Variants in SIDT1 observed in about 807,000 individuals in gnomAD.
SIDT1 encodes SID1 transmembrane family, member 1.
SIDT1 carries 101 observed loss-of-function variants against 107.5 expected under a neutral mutation model. That is an observed-to-expected ratio of 0.94 (90% CI 0.80 to 1.11). The LOEUF (loss-of-function observed/expected upper bound fraction) is 1.11. Among genes scored for constraint, SIDT1 ranks in the 50% least tolerant of loss-of-function variants. SIDT1 has a pLI of 0.00. For synonymous variants in SIDT1, 395 were observed against 398.2 expected, an observed-to-expected ratio of 0.99 and a Z score of 0.10; for missense variants, 1,076 against 1,058.2, an observed-to-expected ratio of 1.02 and a Z score of -0.23.
At position 113,615,017 on chromosome 3, in the gene SIDT1, G is replaced by T. The variant is rs754640788; in HGVS notation, c.1967-1083G>T. 40 of 1,534,378 alleles carry T rather than the reference G, an allele frequency of 2.6e-5. 1 individual carries two copies. Among genetic ancestry groups the T allele is most frequent in the South Asian group, 1.2e-4 (10 of 84,012 alleles). On this transcript the variant is annotated intron_variant, in intron 19 of 24. Coordinates refer to ENST00000264852, the MANE Select transcript of SIDT1 (RefSeq NM_017699.3). ...TACATGTTTGGCTACTTTCTTACAC[G>T]TCTCTCTTTTTTTTCTCCTTTCTTC...
At chr3:113,610,935 A>C in intron 17 of SIDT1, 73 bp from the exon 18 acceptor site, 3 of 1,549,980 alleles carry the variant, frequency 1.9e-6, no homozygotes, top group Non-Finnish European at 2.6e-6. Flanking sequence ...GAGTCTGAAG[A>C]AAAATCTAGA....
intron 1 of SIDT1, among the ~76,000 whole-genome samples, chr3:113,566,009 CCTT>C (rs1480698018): frequency 3.3e-5 from 5 of 152,118 alleles, no homozygotes; most frequent in Admixed American, 3.3e-4. Flanking sequence ...ACATCCGTAT[CCTT>C]CTTTTTCTGT....
chr3:113,580,789 A>G lies in SIDT1; in HGVS notation c.663+80A>G, dbSNP rs376116561. The G allele has an allele frequency of 1.4e-4, 127 of 904,488 alleles. No homozygotes were observed. In the African/African-American group the frequency reaches 1.7e-3, roughly 12 times the overall value. 56.0% of individuals were successfully genotyped at this position (904,488 alleles called of 1,614,324 possible). On this transcript the variant is annotated intron_variant, in intron 5 of 24. Coordinates refer to ENST00000264852, the MANE Select transcript of SIDT1 (RefSeq NM_017699.3). ...ACAAATGAAAGAGAAGGGTGGAAGCATGCCATCCTCTTACTGTGTATCTCC... is the reference window on the plus strand; with the variant it reads ...ACAAATGAAAGAGAAGGGTGGAAGCGTGCCATCCTCTTACTGTGTATCTCC...
intron 1 of SIDT1, among the ~76,000 whole-genome samples, chr3:113,537,736 C>T (rs921749033): frequency 4.6e-5 from 7 of 152,218 alleles, no homozygotes; most frequent in African/African-American, 1.4e-4. Context: ...TGTGTCCTCA[C>T]GTGGCCAAGA....
intron 9 of SIDT1, among the ~76,000 whole-genome samples, chr3:113,586,097 C>T (rs1264156111): frequency 6.6e-6 from 1 of 152,146 alleles, no homozygotes; most frequent in Non-Finnish European, 1.5e-5. Flanking sequence ...CTCAGTGATA[C>T]AACTACGTAT....
intron 1 of SIDT1, among the ~76,000 whole-genome samples, chr3:113,560,163 G>A (rs1226421255): frequency 6.6e-6 from 1 of 152,128 alleles, no homozygotes; most frequent in Non-Finnish European, 1.5e-5. Context: ...CTTCCCAGAT[G>A]TAAGGTTTTC....
Position 113,604,624 on chromosome 3 carries a change from A to T in SIDT1, c.1338-286A>T, listed in dbSNP as rs185776832. On this transcript the variant is annotated intron_variant, in intron 13 of 24. Coordinates refer to ENST00000264852, the MANE Select transcript of SIDT1 (RefSeq NM_017699.3). Reference sequence around the variant, plus strand: ...TTAACCTTTTAAAAAAATACATTTCAGTTAGTATTTTCAGTTTTTGCCTCT... The same window carrying T: ...TTAACCTTTTAAAAAAATACATTTCTGTTAGTATTTTCAGTTTTTGCCTCT... 1.2e-4 allele frequency among the ~76,000 whole-genome samples: 18 copies of T among 152,366 alleles called. No individual in the cohort carries two copies. The East Asian group carries it at 3.3e-3, about 28-fold the overall frequency.
intron 9 of SIDT1, among the ~76,000 whole-genome samples, chr3:113,589,529 C>CTTTTTTTT (rs386397654): frequency 8.6e-6 from 1 of 116,048 alleles, no homozygotes; most frequent in Non-Finnish European, 1.7e-5. Flanking sequence ...ACTTCTCTCC[C>CTTTTTTTT]TTTTTTTTTT....
At chr3:113,599,932 A>C (rs886976459) in intron 10 of SIDT1, among the ~76,000 whole-genome samples, 8 of 152,220 alleles carry the variant, frequency 5.3e-5, no homozygotes, top group Non-Finnish European at 4.4e-5. Flanking sequence ...TGGATATGTT[A>C]ATTTGCTTAG....
chr3:113,599,909 C>T (rs191305612), intron 10 of SIDT1, among the ~76,000 whole-genome samples: 2 of 152,206 alleles, frequency 1.3e-5, no homozygotes, highest in East Asian at 3.9e-4. Context: ...AAAGAGGGAA[C>T]TATGGAAAGT....
chr3:113,624,373 G>A (rs528896261), intron 23 of SIDT1, among the ~76,000 whole-genome samples: 1 of 152,292 alleles, frequency 6.6e-6, no homozygotes, highest in East Asian at 1.9e-4. Flanking sequence ...CGGCCTTTGT[G>A]TCTGGCTTCT....
chr3:113,633,060 T>C (rs1006378609), downstream of SIDT1: 2 of 152,258 alleles, frequency 1.3e-5, no homozygotes, highest in Non-Finnish European at 2.9e-5. Context: ...GCAATGTTTA[T>C]GCTTAGATGT....
intron 3 of SIDT1, among the ~76,000 whole-genome samples, chr3:113,574,749 A>G (rs1455652837): frequency 6.6e-6 from 1 of 152,090 alleles, no homozygotes; most frequent in African/African-American, 2.4e-5. Flanking sequence ...AATAGCCAGC[A>G]CAAGGAAACA....
chr3:113,612,006 C>G (rs1337959942), intron 18 of SIDT1, 80 bp from the exon 19 acceptor site: 1 of 990,082 alleles, frequency 1.0e-6, no homozygotes, highest in African/African-American at 1.6e-5. Context: ...TGACTCCTTA[C>G]ACATACAGGA....
Position 113,580,727 on chromosome 3 carries a change from G to T in SIDT1, c.663+18G>T. 6.9e-7 allele frequency: 1 copy of T among 1,457,348 alleles called. No individual in the cohort carries two copies. The highest frequency in any genetic ancestry group is 9.6e-7 in the Non-Finnish European group (1 of 1,037,816). 90.3% of individuals were successfully genotyped at this position (1,457,348 alleles called of 1,614,324 possible). A position where few individuals can be genotyped will look rare whatever the true frequency, so the allele number is the denominator to read the frequency against. ...ATATCATGGTGAGTGCTGATAACTT[G>T]CCAACCTTCTACTATAGAGCATTAT... is the stretch of plus-strand genomic sequence containing the variant. On this transcript the variant is annotated intron_variant, in intron 5 of 24. Transcript: ENST00000264852.
rs1198809594 is a variant in SIDT1, at chr3:113,612,081, C to T, written c.1858-5C>T. ...GATGAAGGTAACTTCCATCTTTACT[C>T]CTAGGTGTTTGGAAAAAATGACGTA... On this transcript the variant is annotated splice_polypyrimidine_tract_variant and splice_region_variant and intron_variant, in intron 18 of 24. Transcript: ENST00000264852. 6.2e-7 allele frequency: 1 copy of T among 1,610,924 alleles called. No homozygotes were observed. The highest frequency in any genetic ancestry group is 8.5e-7 in the Non-Finnish European group (1 of 1,177,252).
chr3:113,605,925 G>A (rs1271964191), intron 14 of SIDT1, among the ~76,000 whole-genome samples: 3 of 151,662 alleles, frequency 2.0e-5, no homozygotes, highest in Admixed American at 1.3e-4. Context: ...GATTGCTTGA[G>A]CCTGTGGAGG....
At chr3:113,585,896 C>T (rs1305247539) in intron 9 of SIDT1, among the ~76,000 whole-genome samples, 1 of 152,188 alleles carries the variant, frequency 6.6e-6, no homozygotes, top group African/African-American at 2.4e-5. Context: ...TTCCCTCTCT[C>T]AGCGGGGTTG....
chr3:113,550,682 C>T (rs146102946), intron 1 of SIDT1, among the ~76,000 whole-genome samples: 1 of 151,976 alleles, frequency 6.6e-6, no homozygotes, highest in Admixed American at 6.6e-5. Flanking sequence ...AAAGAGGTAG[C>T]TATATTTTAA....
Sources: gnomAD v4.1 joint callset for allele counts (sites outside exome capture counted in the v4.1 genomes callset) on GRCh38, gnomAD v4.1.1 for gene constraint, MANE v1.5 for transcripts, NCBI Gene and HGNC (gene_info 2026-07-23, HGNC 2026-07-21) for gene names.